SENP6: variants seen among roughly 807,000 people sequenced by gnomAD.
The protein encoded by SENP6 is SUMO specific peptidase 6.
SENP6 carries 41 observed loss-of-function variants against 134.5 expected under a neutral mutation model. That is an observed-to-expected ratio of 0.30 (90% CI 0.24 to 0.40). SENP6 has a LOEUF of 0.40. Among genes scored for constraint, SENP6 ranks in the 10% least tolerant of loss-of-function variants. The pLI, the probability that SENP6 is intolerant of heterozygous loss-of-function variation, is 1.00. For synonymous variants in SENP6, 395 were observed against 429.8 expected, an observed-to-expected ratio of 0.92 and a Z score of 1.00; for missense variants, 1,248 against 1,312.5, an observed-to-expected ratio of 0.95 and a Z score of 0.76.
At chr6:75,651,706 T>A (rs1445198691) in intron 7 of SENP6, among the ~76,000 whole-genome samples, 1 of 152,190 alleles carries the variant, frequency 6.6e-6, no homozygotes, top group Non-Finnish European at 1.5e-5. Flanking sequence ...AATATATAAC[T>A]CTCCAGATCT....
intron 7 of SENP6, among the ~76,000 whole-genome samples, chr6:75,653,574 G>A (rs561252811): frequency 9.2e-5 from 14 of 151,558 alleles, no homozygotes; most frequent in Admixed American, 8.5e-4. Context: ...GCGTTTGGGT[G>A]AATGTCAGGA....
chr6:75,658,459 C>T (rs1582788617), intron 7 of SENP6, among the ~76,000 whole-genome samples: 2 of 152,076 alleles, frequency 1.3e-5, no homozygotes, highest in East Asian at 3.8e-4. Context: ...ACAGATTCTT[C>T]ACTTATGTTT....
At chr6:75,704,672 G>A (rs1775268732) in intron 19 of SENP6, among the ~76,000 whole-genome samples, 1 of 152,168 alleles carries the variant, frequency 6.6e-6, no homozygotes, top group African/African-American at 2.4e-5. Flanking sequence ...GTGTTGGGCT[G>A]GGGGACGGTC....
At chr6:75,689,237 GA>G (rs1220456948) in intron 16 of SENP6, among the ~76,000 whole-genome samples, 1 of 151,826 alleles carries the variant, frequency 6.6e-6, no homozygotes, top group South Asian at 2.1e-4. Context: ...CTATATCCAA[GA>G]AAAAAATAAA....
chr6:75,715,759 G>A lies in SENP6; in HGVS notation c.*165G>A. 2 of 477,010 alleles carry A rather than the reference G, an allele frequency of 4.2e-6. No homozygotes were observed. The allele number at this position is 477,010 out of a possible 1,614,324, so 29.5% of individuals were successfully genotyped here. A position where few individuals can be genotyped will look rare whatever the true frequency, so the allele number is the denominator to read the frequency against. ...CCAAAGGCGTATGTATTAAGTAAAA[G>A]TCTGTAAATATGTTAATGAGGCCAA... On this transcript the variant is annotated 3_prime_UTR_variant, in exon 24 of 24. Transcript: ENST00000447266.
Position 75,666,693 on chromosome 6 carries a change from A to G in SENP6, c.995-19A>G, listed in dbSNP as rs777687608. ...ACTATAGTTTTAATATAAATTATAA[A>G]TTATTAAAATACTTTTAGTCATTTT... On this transcript the variant is annotated intron_variant, in intron 9 of 23. Coordinates refer to ENST00000447266, the MANE Select transcript of SENP6 (RefSeq NM_015571.4). 1 of 1,153,366 alleles carries G rather than the reference A, an allele frequency of 8.7e-7. No individual in the cohort carries two copies. Among genetic ancestry groups the G allele is most frequent in the East Asian group, 3.0e-5 (1 of 33,464 alleles). The allele number at this position is 1,153,366 out of a possible 1,614,324, so 71.4% of individuals were successfully genotyped here.
intron 16 of SENP6, among the ~76,000 whole-genome samples, chr6:75,683,397 T>G (rs1478298192): frequency 1.3e-5 from 2 of 152,212 alleles, no homozygotes; most frequent in Non-Finnish European, 2.9e-5. Flanking sequence ...GTTCTTTAGT[T>G]TAATTAGATC....
At position 75,666,779 on chromosome 6, in the gene SENP6, G is replaced by T; in HGVS notation, c.1062G>T (p.Gln354His). ...RTNRRESISP[Q>H]PADSACSSPA... ...ACAGAAGAGAAAGCATATCTCCTCAGCCTGCTGATTCAGCATGTTCTTCCC... is the reference window on the plus strand; with the variant it reads ...ACAGAAGAGAAAGCATATCTCCTCATCCTGCTGATTCAGCATGTTCTTCCC... The change falls in exon 10 of 24, where the codon CAG becomes CAT. Residue 354 changes from glutamine to histidine, a missense_variant. Gln to His is a conservative substitution (Grantham distance 24). This residue lies in a region of SENP6 where 733 missense variants were observed against 725.4 expected (regional missense o/e 1.01). Transcript: ENST00000447266. 6.2e-7 allele frequency: 1 copy of T among 1,612,956 alleles called. No individual in the cohort carries two copies. Among genetic ancestry groups the T allele is most frequent in the Non-Finnish European group, 8.5e-7 (1 of 1,179,106 alleles).
At chr6:75,685,446 T>C (rs924625902) in intron 16 of SENP6, among the ~76,000 whole-genome samples, 2 of 152,228 alleles carry the variant, frequency 1.3e-5, no homozygotes, top group Admixed American at 6.5e-5. Context: ...TGTTTGCTCT[T>C]GCTTCTCTAG....
chr6:75,713,471 ATAT>A, intron 21 of SENP6, 39 bp from the exon 22 acceptor site: 1 of 1,461,038 alleles, frequency 6.8e-7, no homozygotes, highest in Middle Eastern at 1.8e-4. Flanking sequence ...TGCATTTGTA[ATAT>A]TATGAAGTAT....
intron 7 of SENP6, among the ~76,000 whole-genome samples, chr6:75,652,683 C>CAAAAAAAAAAAACAAAAAAAA (rs1770968938): frequency 1.3e-5 from 1 of 75,858 alleles, no homozygotes; most frequent in Non-Finnish European, 2.3e-5. Flanking sequence ...CTAAAAATCT[C>CAAAAAAAAAAAACAAAAAAAA]AAAAAAAAAA....
At position 75,675,931 on chromosome 6, in the gene SENP6, C is replaced by T. The variant is rs767625903; in HGVS notation, c.1498C>T (p.Arg500Ter). 6.2e-7 allele frequency: 1 copy of T among 1,612,128 alleles called. No homozygotes were observed. The highest frequency in any genetic ancestry group is 8.5e-7 in the Non-Finnish European group (1 of 1,179,152). ...AACTAAATGTGAATGGTGTAATGTC[C>T]GAAAATTACCTGTAGTGTTTCTTCA... ...DLTKCEWCNV[R>*]KLPVVFLQAI... Residue 500 changes from arginine (R) to a stop codon, truncating the protein, a stop_gained, in exon 13 of 24, where the codon CGA (arginine) becomes TGA (stop). Coordinates refer to ENST00000447266, the MANE Select transcript of SENP6 (RefSeq NM_015571.4). LOFTEE classifies it high-confidence loss of function.
Position 75,638,578 on chromosome 6 carries a change from G to A in SENP6, c.459-2106G>A, listed in dbSNP as rs868716308. Among the ~76,000 whole-genome samples, 44 of 14,244 alleles carry A rather than the reference G, an allele frequency of 3.1e-3. 1 individual carries two copies. Among genetic ancestry groups the A allele is most frequent in the African/African-American group, 8.3e-3 (40 of 4,806 alleles). The allele number at this position is 14,244 out of a possible 152,430, so 9.3% of individuals were successfully genotyped here. A position where few individuals can be genotyped will look rare whatever the true frequency, so the allele number is the denominator to read the frequency against. On this transcript the variant is annotated intron_variant, in intron 5 of 23. Transcript: ENST00000447266. ...GTAGTGTGTGTGTGTGTGTGTGTGT[G>A]TGTGTGTGTGTGTATATATATATAT...
At chr6:75,614,807 A>C (rs541419176) in intron 1 of SENP6, among the ~76,000 whole-genome samples, 1 of 152,234 alleles carries the variant, frequency 6.6e-6, no homozygotes, top group East Asian at 1.9e-4. Flanking sequence ...GGGAGAAATT[A>C]GATGTTTGCT....
chr6:75,619,763 C>T (rs540833739), intron 1 of SENP6, among the ~76,000 whole-genome samples: 1 of 152,242 alleles, frequency 6.6e-6, no homozygotes, highest in African/African-American at 2.4e-5. Context: ...TCTCCCACAT[C>T]CTAGCCAATA....
rs568956266 is a variant in SENP6, at chr6:75,602,551, C to T, written c.27C>T (p.Ser9=). MAAGKSGG[S]AGEITFLEAL... ...TGGCGGCCGGCAAGAGCGGCGGTAG[C>T]GCAGGGGAGATTACTTTTCTGGAAG... is the stretch of plus-strand genomic sequence containing the variant. Residue 9 remains serine (S), a synonymous_variant, in exon 1 of 24, where the codon AGC becomes AGT. Coordinates refer to ENST00000447266, the MANE Select transcript of SENP6 (RefSeq NM_015571.4). The T allele has an allele frequency of 7.1e-6, 11 of 1,551,486 alleles. No homozygotes were observed. Among genetic ancestry groups the T allele is most frequent in the Non-Finnish European group, 9.6e-6 (11 of 1,146,870 alleles).
At chr6:75,676,187 T>C (rs1318081378) in intron 13 of SENP6, 133 bp downstream of exon 13, 3 of 508,326 alleles carry the variant, frequency 5.9e-6, no homozygotes, top group Non-Finnish European at 3.3e-6. Flanking sequence ...ACAGCCACCT[T>C]GTGAAATAGA....
intron 1 of SENP6, among the ~76,000 whole-genome samples, chr6:75,618,518 G>C (rs1328729283): frequency 6.6e-6 from 1 of 152,166 alleles, no homozygotes; most frequent in African/African-American, 2.4e-5. Flanking sequence ...CCTAGAATCA[G>C]TCATTTCTTC....
intron 20 of SENP6, among the ~76,000 whole-genome samples, chr6:75,710,721 A>G (rs536139457): frequency 6.6e-6 from 1 of 152,298 alleles, no homozygotes; most frequent in East Asian, 1.9e-4. Context: ...ACTATTGATT[A>G]TTCCATTCGT....
Sources: gnomAD v4.1 joint callset for allele counts (sites outside exome capture counted in the v4.1 genomes callset) on GRCh38, gnomAD v4.1.1 for gene constraint, gnomAD v4.1.1 regional missense constraint, MANE v1.5 for transcripts, NCBI Gene and HGNC (gene_info 2026-07-23, HGNC 2026-07-21) for gene names.